Variants in EPS15 observed in about 807,000 individuals in gnomAD.
EPS15 encodes epidermal growth factor receptor pathway substrate 15, also known as epidermal growth factor receptor substrate 15.
Under a neutral mutation model 113.8 loss-of-function variants are expected in EPS15, and 72 were observed. The ratio of observed to expected loss-of-function variants is 0.63; its 90% confidence interval spans 0.52 to 0.77. The LOEUF (loss-of-function observed/expected upper bound fraction) is 0.77. EPS15 is among the 30% of genes least tolerant of loss of function. The pLI, the probability that EPS15 is intolerant of heterozygous loss-of-function variation, is 0.00. For missense variants in EPS15, 1,048 were observed against 1,045.8 expected, an observed-to-expected ratio of 1.00 and a Z score of -0.03; for synonymous variants, 344 against 363.4, an observed-to-expected ratio of 0.95 and a Z score of 0.61.
chr1:51,455,516 G>C (rs1653923525), intron 8 of EPS15, among the ~76,000 whole-genome samples: 1 of 152,090 alleles, frequency 6.6e-6, no homozygotes, highest in Non-Finnish European at 1.5e-5. Flanking sequence ...ATTGAACCTG[G>C]GAGGTGGAGG....
chr1:51,491,435 T>A (rs565000784), intron 1 of EPS15, among the ~76,000 whole-genome samples: 3 of 152,172 alleles, frequency 2.0e-5, no homozygotes, highest in Non-Finnish European at 2.9e-5. Flanking sequence ...TTTATACACA[T>A]AGGTTTATAG....
chr1:51,513,684 C>T (rs1644665772), intron 1 of EPS15, among the ~76,000 whole-genome samples: 1 of 152,064 alleles, frequency 6.6e-6, no homozygotes, highest in African/African-American at 2.4e-5. Flanking sequence ...AATTCTGAGC[C>T]TCAGTATCCT....
intron 21 of EPS15, among the ~76,000 whole-genome samples, chr1:51,369,375 G>A (rs933987295): frequency 2.0e-5 from 3 of 152,150 alleles, no homozygotes; most frequent in Non-Finnish European, 4.4e-5. Context: ...TACCTGCTGG[G>A]GGGAGTTCCA....
chr1:51,406,111 G>T lies in EPS15; in HGVS notation c.1474-3C>A. On this transcript the variant is annotated splice_region_variant and splice_polypyrimidine_tract_variant and intron_variant, in intron 15 of 24. Coordinates refer to ENST00000371733, the MANE Select transcript of EPS15 (RefSeq NM_001981.3). ...ATTTCCATCAGTTTCATTTGCATCT[G>T]CCAACACAAAGAAGAAATATAGAAC... 1 of 1,610,954 alleles carries T rather than the reference G, an allele frequency of 6.2e-7. No homozygotes were observed.
chr1:51,513,223 A>G (rs779141657), intron 1 of EPS15, among the ~76,000 whole-genome samples: 45 of 152,216 alleles, frequency 3.0e-4, no homozygotes, highest in Non-Finnish European at 5.6e-4. Flanking sequence ...CATGTGCACA[A>G]AAACATGTAA....
chr1:51,367,710 A>G (rs865885870), intron 21 of EPS15, among the ~76,000 whole-genome samples: 11 of 152,244 alleles, frequency 7.2e-5, no homozygotes, highest in African/African-American at 2.7e-4. Context: ...AGGGCTACCA[A>G]TAACGTCAAA....
At chr1:51,377,422 G>C (rs1335205570) in intron 21 of EPS15, among the ~76,000 whole-genome samples, 1 of 152,158 alleles carries the variant, frequency 6.6e-6, no homozygotes, top group African/African-American at 2.4e-5. Context: ...AAATTAGTAA[G>C]GGAACTTCAA....
chr1:51,409,079 C>T (rs1341585416), intron 14 of EPS15, among the ~76,000 whole-genome samples: 1 of 152,150 alleles, frequency 6.6e-6, no homozygotes, highest in African/African-American at 2.4e-5. Flanking sequence ...AGCCACTGCA[C>T]CCAACCAGCT....
intron 11 of EPS15, 115 bp downstream of exon 11, chr1:51,444,774 C>T: frequency 9.6e-7 from 1 of 1,042,906 alleles, no homozygotes; most frequent in Non-Finnish European, 1.4e-6. Context: ...GTATACTGTT[C>T]TGCTCTTAGC....
chr1:51,443,247 C>T (rs1251134001), intron 11 of EPS15, among the ~76,000 whole-genome samples: 1 of 150,048 alleles, frequency 6.7e-6, no homozygotes, highest in Non-Finnish European at 1.5e-5. Context: ...AAATTTCTGT[C>T]ATATCTAAAA....
At chr1:51,385,939 A>C (rs1465977197) in intron 21 of EPS15, among the ~76,000 whole-genome samples, 1 of 152,178 alleles carries the variant, frequency 6.6e-6, no homozygotes, top group Non-Finnish European at 1.5e-5. Context: ...ATATGAAAAA[A>C]GTTCTTGAGA....
At chr1:51,428,947 A>G (rs1025714032) in intron 12 of EPS15, among the ~76,000 whole-genome samples, 1 of 151,804 alleles carries the variant, frequency 6.6e-6, no homozygotes, top group Non-Finnish European at 1.5e-5. Context: ...GCTGGAGTGC[A>G]TTGGTGTGAT....
chr1:51,453,484 G>T (rs2148490112), intron 8 of EPS15, among the ~76,000 whole-genome samples: 1 of 152,116 alleles, frequency 6.6e-6, no homozygotes, highest in Non-Finnish European at 1.5e-5. Flanking sequence ...TTAAAAGTAT[G>T]CCACTGAAAC....
At chr1:51,486,762 T>C (rs1644131207) in intron 1 of EPS15, among the ~76,000 whole-genome samples, 1 of 152,084 alleles carries the variant, frequency 6.6e-6, no homozygotes, top group South Asian at 2.1e-4. Context: ...CACTGCAACC[T>C]CTGCCTCCCA....
intron 2 of EPS15, among the ~76,000 whole-genome samples, chr1:51,476,810 G>T (rs1005876242): frequency 6.6e-6 from 1 of 152,156 alleles, no homozygotes; most frequent in Non-Finnish European, 1.5e-5. Flanking sequence ...AAACCCATTT[G>T]ATCATGGTGG....
chr1:51,386,604 T>C (rs146865876), intron 21 of EPS15, among the ~76,000 whole-genome samples: 2,926 of 152,186 alleles, frequency 0.019, 46 homozygotes, highest in Non-Finnish European at 0.031. Context: ...AGAAAGGACA[T>C]CCACACCAAA....
chr1:51,375,785 G>A (rs1646782582), intron 21 of EPS15, among the ~76,000 whole-genome samples: 1 of 152,142 alleles, frequency 6.6e-6, no homozygotes, highest in African/African-American at 2.4e-5. Context: ...AGAAGACAAT[G>A]TAGGAAAAGA....
At chr1:51,415,324 T>C (rs796687915) in intron 13 of EPS15, among the ~76,000 whole-genome samples, 3 of 152,326 alleles carry the variant, frequency 2.0e-5, no homozygotes, top group African/African-American at 2.4e-5. Flanking sequence ...ACTGCCCTTT[T>C]TCATTTCTTA....
Position 51,394,399 on chromosome 1 carries a change from C to T in EPS15, c.2101G>A (p.Val701Ile). ...TATTTACCTGAATCGCTTGCTGCAA[C>T]AACTGTTCCACCAGGAGCAAAAGGA... ...NDPFAPGGTV[V>I]AASDSATDPF... The change falls in exon 21 of 25, where the codon GTT becomes ATT. Residue 701 changes from valine (V) to isoleucine (I), a missense_variant. Transcript: ENST00000371733. 1 of 1,600,252 alleles carries T rather than the reference C, an allele frequency of 6.2e-7. No individual in the cohort carries two copies. Among genetic ancestry groups the T allele is most frequent in the Non-Finnish European group, 8.5e-7 (1 of 1,170,920 alleles).
Sources: allele counts gnomAD v4.1 joint callset (sites outside exome capture counted in the v4.1 genomes callset), GRCh38; gene constraint gnomAD v4.1.1; transcripts MANE v1.5; gene names NCBI Gene and HGNC (gene_info 2026-07-23, HGNC 2026-07-21).